The following RGS9 variants were observed in gnomAD, a reference collection of about 807,000 sequenced individuals.
RGS9 encodes the protein regulator of G-protein signalling 9.
In RGS9, 78 loss-of-function variants were observed where a neutral mutation model predicts 102.0. The ratio of observed to expected loss-of-function variants is 0.76; its 90% CI spans 0.64 to 0.92. RGS9 has a LOEUF of 0.92. RGS9 is among the 40% of genes least tolerant of loss of function. RGS9 has a pLI of 0.00. For missense variants in RGS9, 833 were observed against 866.1 expected (o/e 0.96, Z 0.48); for synonymous variants, 353 against 318.6 (o/e 1.11, Z -1.15).
chr17:65,172,344 C>T (rs907506303), intron 8 of RGS9, among the ~76,000 whole-genome samples: 4 of 152,110 alleles, frequency 2.6e-5, no homozygotes, highest in African/African-American at 7.2e-5. Context: ...GCTGGAATTA[C>T]AGGCGCCTGC....
chr17:65,169,073 C>T (rs757614302), intron 8 of RGS9, among the ~76,000 whole-genome samples: 2 of 152,196 alleles, frequency 1.3e-5, no homozygotes, highest in Non-Finnish European at 1.5e-5. Flanking sequence ...TCCTCCTCTT[C>T]CTTTAGCTTC....
chr17:65,160,493 A>G, intron 4 of RGS9, 43 bp from the exon 5 acceptor site: 1 of 1,613,016 alleles, frequency 6.2e-7, no homozygotes, highest in Non-Finnish European at 8.5e-7. Flanking sequence ...CCATTGAGTC[A>G]CAATCCAGTT....
intron 13 of RGS9, among the ~76,000 whole-genome samples, chr17:65,200,833 C>T (rs915780463): frequency 6.6e-6 from 1 of 151,848 alleles, no homozygotes; most frequent in Non-Finnish European, 1.5e-5. Context: ...AACTGCATAG[C>T]CTAGAAATAG....
At chr17:65,162,659 C>G (rs1329660778) in intron 6 of RGS9, among the ~76,000 whole-genome samples, 1 of 150,708 alleles carries the variant, frequency 6.6e-6, no homozygotes, top group Non-Finnish European at 1.5e-5. Flanking sequence ...TTAGTAGAGA[C>G]AGGGTTTCAC....
chr17:65,164,517 GGAAGGT>G (rs1286582519), intron 7 of RGS9, among the ~76,000 whole-genome samples: 5 of 152,172 alleles, frequency 3.3e-5, no homozygotes, highest in Non-Finnish European at 7.3e-5. Flanking sequence ...CCCAGATCCA[GGAAGGT>G]CTAGACTTGC....
At position 65,164,001 on chromosome 17, in the gene RGS9, G is replaced by T. The variant is rs115631949; in HGVS notation, c.500+912G>T. 7.0e-3 allele frequency among the ~76,000 whole-genome samples: 1,071 copies of T among 152,310 alleles called. 9 individuals carry two copies. The highest frequency in any genetic ancestry group is 0.024 in the African/African-American group (1,001 of 41,560). On this transcript the variant is annotated intron_variant, in intron 7 of 18. Coordinates refer to ENST00000262406, the MANE Select transcript of RGS9 (RefSeq NM_003835.4). ...AACCACGCCTCGTTCACTTGCATTT[G>T]CCTGTTGCCATATCAGAACTGGAAC...
intron 1 of RGS9, among the ~76,000 whole-genome samples, chr17:65,148,852 A>G (rs572678684): frequency 6.6e-6 from 1 of 152,118 alleles, no homozygotes; most frequent in East Asian, 1.9e-4. Flanking sequence ...CTGACTTGCA[A>G]TTGCTATTTC....
intron 7 of RGS9, among the ~76,000 whole-genome samples, chr17:65,165,311 C>T (rs1275032346): frequency 6.6e-6 from 1 of 152,200 alleles, no homozygotes; most frequent in African/African-American, 2.4e-5. Context: ...GGGACATTCC[C>T]CTCTTTCATT....
chr17:65,178,252 C>A (rs956731134), intron 9 of RGS9, among the ~76,000 whole-genome samples: 2 of 152,134 alleles, frequency 1.3e-5, no homozygotes, highest in Admixed American at 6.5e-5. Flanking sequence ...ATCCACATGA[C>A]AGGACCTGGA....
At chr17:65,156,674 C>T (rs1407686369) in intron 2 of RGS9, among the ~76,000 whole-genome samples, 5 of 152,152 alleles carry the variant, frequency 3.3e-5, no homozygotes, top group Non-Finnish European at 5.9e-5. Flanking sequence ...TGATCTATTT[C>T]GGGAGGCAGT....
chr17:65,200,933 G>T (rs1912808615), intron 13 of RGS9, among the ~76,000 whole-genome samples: 3 of 152,148 alleles, frequency 2.0e-5, no homozygotes, highest in Admixed American at 2.0e-4. Flanking sequence ...TATGTTATTA[G>T]TAAGGCCTCT....
intron 11 of RGS9, among the ~76,000 whole-genome samples, chr17:65,193,270 A>G (rs1411493560): frequency 6.7e-6 from 1 of 148,412 alleles, no homozygotes; most frequent in African/African-American, 2.6e-5. Context: ...AAAAAAAAAA[A>G]GAAAAAAAAG....
At chr17:65,167,048 G>A (rs377638745) in intron 7 of RGS9, among the ~76,000 whole-genome samples, 7 of 152,224 alleles carry the variant, frequency 4.6e-5, no homozygotes, top group East Asian at 1.9e-4. Flanking sequence ...GTGTGAGCGC[G>A]GGTCTCCGTG....
chr17:65,197,965 C>T (rs934236082), intron 13 of RGS9, among the ~76,000 whole-genome samples: 1 of 152,246 alleles, frequency 6.6e-6, no homozygotes, highest in African/African-American at 2.4e-5. Flanking sequence ...GCCACTGCGC[C>T]TGGCTTCCTG....
chr17:65,219,025 G>C (rs1389408385), intron 17 of RGS9, among the ~76,000 whole-genome samples: 2 of 152,236 alleles, frequency 1.3e-5, no homozygotes, highest in Non-Finnish European at 2.9e-5. Context: ...GGAGACTTGG[G>C]GAGATCAGCA....
chr17:65,214,260 C>T (rs1913409885), intron 17 of RGS9, among the ~76,000 whole-genome samples: 1 of 152,154 alleles, frequency 6.6e-6, no homozygotes, highest in Non-Finnish European at 1.5e-5. Flanking sequence ...ATTGCACCTG[C>T]CCCATAGATA....
At chr17:65,225,510 C>G in intron 18 of RGS9, 24 bp downstream of exon 18, 1 of 1,599,548 alleles carries the variant, frequency 6.3e-7, no homozygotes, top group Non-Finnish European at 8.5e-7. Flanking sequence ...GGGGACGTGC[C>G]GTATGCATGG....
At chr17:65,160,052 C>T (rs1011145293) in intron 3 of RGS9, among the ~76,000 whole-genome samples, 181 bp from the exon 4 acceptor site, 1 of 152,216 alleles carries the variant, frequency 6.6e-6, no homozygotes, top group Non-Finnish European at 1.5e-5. Flanking sequence ...CTCCTTTTAG[C>T]GTGCAACCCA....
chr17:65,199,428 C>T (rs1281173825), intron 13 of RGS9, among the ~76,000 whole-genome samples: 1 of 150,146 alleles, frequency 6.7e-6, no homozygotes, highest in African/African-American at 2.5e-5. Flanking sequence ...TGTCTTTTTT[C>T]ACTTAGCATA....
Sources: gnomAD v4.1 joint callset for allele counts (sites outside exome capture counted in the v4.1 genomes callset) on GRCh38, gnomAD v4.1.1 for gene constraint, MANE v1.5 for transcripts, NCBI Gene and HGNC (gene_info 2026-07-23, HGNC 2026-07-21) for gene names.